ACER3: variants seen among roughly 807,000 people sequenced by gnomAD.
ACER3 encodes the protein alkaline ceramidase 3.
A neutral mutation model predicts 48.9 loss-of-function variants in ACER3; 16 were observed. The observed-to-expected ratio is 0.33, with a 90% CI of 0.22 to 0.50. The LOEUF is 0.50. Among genes scored for constraint, ACER3 ranks in the 20% least tolerant of loss-of-function variants. The probability of loss-of-function intolerance (pLI) is 0.98; values close to 1 mark genes in which losing one functional copy is unlikely to be tolerated. For missense variants in ACER3, 227 were observed against 326.0 expected (o/e 0.70, Z 2.34); for synonymous variants, 109 against 107.8 (o/e 1.01, Z -0.07).
intron 2 of ACER3, among the ~76,000 whole-genome samples, chr11:76,935,954 A>C (rs1947170010): frequency 6.6e-6 from 1 of 152,236 alleles, no homozygotes; most frequent in Admixed American, 6.5e-5. Context: ...ATGTCCATCC[A>C]GTCATGAGTA....
intron 2 of ACER3, among the ~76,000 whole-genome samples, chr11:76,933,271 T>A (rs576743361): frequency 2.3e-4 from 34 of 149,378 alleles, no homozygotes; most frequent in South Asian, 8.5e-4. Context: ...ATACTTATAA[T>A]TTTTATTTTT....
intron 6 of ACER3, among the ~76,000 whole-genome samples, chr11:76,991,940 A>G (rs662749): frequency 2.6e-5 from 4 of 152,176 alleles, no homozygotes; most frequent in Non-Finnish European, 5.9e-5. Context: ...TATAAAAAAC[A>G]AAGTTGGCCA....
intron 1 of ACER3, among the ~76,000 whole-genome samples, chr11:76,919,621 T>C (rs1306172094): frequency 1.3e-5 from 2 of 152,208 alleles, no homozygotes; most frequent in African/African-American, 4.8e-5. Context: ...TGAATGAATA[T>C]CTCGCTTTTA....
chr11:76,958,006 G>C (rs2135031529), intron 2 of ACER3, among the ~76,000 whole-genome samples: 1 of 151,252 alleles, frequency 6.6e-6, no homozygotes, highest in South Asian at 2.1e-4. Context: ...ATGTTGCCCA[G>C]GCTGGTCTTG....
At chr11:76,933,173 C>CGTATATATAT (rs770444912) in intron 2 of ACER3, among the ~76,000 whole-genome samples, 1 of 129,598 alleles carries the variant, frequency 7.7e-6, no homozygotes, top group Non-Finnish European at 1.7e-5. Context: ...ATACGTATTT[C>CGTATATATAT]ATATATATAT....
chr11:76,888,223 T>G (rs1303174470), intron 1 of ACER3, among the ~76,000 whole-genome samples: 1 of 152,214 alleles, frequency 6.6e-6, no homozygotes, highest in Non-Finnish European at 1.5e-5. Context: ...AGCTGTTGTG[T>G]ATAATCAATA....
intron 7 of ACER3, among the ~76,000 whole-genome samples, chr11:77,004,066 A>G (rs1949085680): frequency 6.6e-6 from 1 of 152,218 alleles, no homozygotes; most frequent in African/African-American, 2.4e-5. Flanking sequence ...TACATATGTC[A>G]ATTAGATCCT....
At chr11:76,985,977 T>G (rs1380659077) in intron 5 of ACER3, among the ~76,000 whole-genome samples, 1 of 152,240 alleles carries the variant, frequency 6.6e-6, no homozygotes, top group African/African-American at 2.4e-5. Flanking sequence ...TTAGTAGCAA[T>G]AATTGGGAAA....
intron 6 of ACER3, among the ~76,000 whole-genome samples, chr11:76,992,618 T>A (rs1050754971): frequency 1.3e-5 from 2 of 152,164 alleles, no homozygotes; most frequent in Non-Finnish European, 1.5e-5. Flanking sequence ...AATAAGGGAA[T>A]GCTAGAGTGA....
chr11:76,956,270 T>C (rs1947836380), intron 2 of ACER3, among the ~76,000 whole-genome samples: 1 of 152,196 alleles, frequency 6.6e-6, no homozygotes, highest in African/African-American at 2.4e-5. Flanking sequence ...AAATATTGCA[T>C]AGAGAATGCT....
intron 8 of ACER3, among the ~76,000 whole-genome samples, chr11:77,015,804 G>A (rs1044994672): frequency 2.6e-5 from 4 of 152,032 alleles, no homozygotes; most frequent in Non-Finnish European, 4.4e-5. Context: ...TGGTCTCTTC[G>A]ACAAATAAAT....
chr11:76,909,135 A>G (rs932736908), intron 1 of ACER3, among the ~76,000 whole-genome samples: 1 of 152,260 alleles, frequency 6.6e-6, no homozygotes, highest in Non-Finnish European at 1.5e-5. Flanking sequence ...GCTGGATTAA[A>G]CAGTTAAATG....
chr11:76,993,286 C>G (rs1948840323), intron 6 of ACER3, among the ~76,000 whole-genome samples: 1 of 152,136 alleles, frequency 6.6e-6, no homozygotes, highest in African/African-American at 2.4e-5. Context: ...ACCTTACACC[C>G]TATCTCTATA....
intron 3 of ACER3, among the ~76,000 whole-genome samples, chr11:76,967,912 A>G (rs1948182396): frequency 6.6e-6 from 1 of 152,128 alleles, no homozygotes; most frequent in African/African-American, 2.4e-5. Context: ...CACCACTCCT[A>G]TTCAACATAG....
chr11:76,976,472 T>C (rs1517907), intron 4 of ACER3, 131 bp downstream of exon 4: 403,951 of 579,792 alleles, frequency 0.7, 147,378 homozygotes, highest in Non-Finnish European at 0.76. Flanking sequence ...AATTTTATGA[T>C]ATCAATATAG....
At chr11:76,905,643 ATTG>A (rs1449262840) in intron 1 of ACER3, among the ~76,000 whole-genome samples, 3 of 152,236 alleles carry the variant, frequency 2.0e-5, no homozygotes, top group African/African-American at 7.2e-5. Flanking sequence ...TCACTGCAGT[ATTG>A]TTTAACAAAA....
chr11:76,913,166 T>C (rs1166295403), intron 1 of ACER3, among the ~76,000 whole-genome samples: 1 of 152,106 alleles, frequency 6.6e-6, no homozygotes, highest in Non-Finnish European at 1.5e-5. Flanking sequence ...TTTGGCTCTC[T>C]GTTTGTCTGT....
chr11:76,883,824 T>G (rs1945602174), intron 1 of ACER3, among the ~76,000 whole-genome samples: 1 of 152,146 alleles, frequency 6.6e-6, no homozygotes, highest in South Asian at 2.1e-4. Flanking sequence ...GTGAATAGAT[T>G]TTGTTGTCTT....
chr11:76,956,823 C>T (rs1282007755), intron 2 of ACER3, among the ~76,000 whole-genome samples: 1 of 151,776 alleles, frequency 6.6e-6, no homozygotes, highest in Non-Finnish European at 1.5e-5. Flanking sequence ...AGGCACGAAC[C>T]ACCCCACTTC....
Sources: gnomAD v4.1 joint callset for allele counts (sites outside exome capture counted in the v4.1 genomes callset) on GRCh38, gnomAD v4.1.1 for gene constraint, MANE v1.5 for transcripts, NCBI Gene and HGNC (gene_info 2026-07-23, HGNC 2026-07-21) for gene names.